Variants in PRKCE observed in about 807,000 individuals in gnomAD.
PRKCE encodes protein kinase C epsilon type.
Under a neutral mutation model 85.4 loss-of-function variants are expected in PRKCE, and 16 were observed. That is an observed-to-expected ratio of 0.19 (90% CI 0.13 to 0.28). The LOEUF is 0.28. Among genes scored for constraint, PRKCE ranks in the 10% least tolerant of loss-of-function variants. The probability of loss-of-function intolerance (pLI) is 1.00; values close to 1 mark genes in which losing one functional copy is unlikely to be tolerated. For missense variants in PRKCE, 573 were observed against 975.2 expected (o/e 0.59, Z 5.49); for synonymous variants, 388 against 371.5 (o/e 1.04, Z -0.51).
rs796718017 is a variant in PRKCE, at chr2:45,806,962, G to C, written c.349-36038G>C. ...GATGTTTTGCCTAGAGAGCCACTGTGGGTAGACCTCAGGAGGCTGATGAGA... is the reference window on the plus strand; with the variant it reads ...GATGTTTTGCCTAGAGAGCCACTGTCGGTAGACCTCAGGAGGCTGATGAGA... On this transcript the variant is annotated intron_variant, in intron 1 of 14. Transcript: ENST00000306156. Among the ~76,000 whole-genome samples the C allele has an allele frequency of 2.3e-4, 35 of 152,296 alleles. 1 individual carries two copies. Among genetic ancestry groups the C allele is most frequent in the African/African-American group, 8.4e-4 (35 of 41,552 alleles).
At chr2:45,884,413 G>T (rs1285820806) in intron 2 of PRKCE, among the ~76,000 whole-genome samples, 1 of 152,200 alleles carries the variant, frequency 6.6e-6, no homozygotes, top group East Asian at 1.9e-4. Flanking sequence ...TGAGGAAGGA[G>T]GCCTGGGTTC....
At chr2:45,857,130 G>A (rs1438658355) in intron 2 of PRKCE, among the ~76,000 whole-genome samples, 3 of 152,180 alleles carry the variant, frequency 2.0e-5, no homozygotes, top group African/African-American at 7.2e-5. Context: ...CTTTTGTACT[G>A]CTTTCCATAG....
At chr2:45,946,283 G>A (rs982973395) in intron 2 of PRKCE, among the ~76,000 whole-genome samples, 12 of 152,236 alleles carry the variant, frequency 7.9e-5, no homozygotes, top group Non-Finnish European at 2.9e-5. Context: ...GTGCAGTGAG[G>A]CCATTTGGCC....
Position 45,955,139 on chromosome 2 carries a change from A to G in PRKCE, c.413-21290A>G, listed in dbSNP as rs185585711. 3.5e-3 allele frequency among the ~76,000 whole-genome samples: 535 copies of G among 152,362 alleles called. 1 individual carries two copies. The highest frequency in any genetic ancestry group is 6.8e-3 in the Middle Eastern group (2 of 294). On this transcript the variant is annotated intron_variant, in intron 2 of 14. Coordinates refer to ENST00000306156, the MANE Select transcript of PRKCE (RefSeq NM_005400.3). Reference sequence around the variant, plus strand: ...TGTTTAATGGATGAATATCCAATTCAATAGTAAAGACTCCAAGTACTATGG... The same window carrying G: ...TGTTTAATGGATGAATATCCAATTCGATAGTAAAGACTCCAAGTACTATGG...
chr2:45,781,301 C>A lies in PRKCE; in HGVS notation c.349-61699C>A, dbSNP rs75559669. On this transcript the variant is annotated intron_variant, in intron 1 of 14. Transcript: ENST00000306156. Reference sequence around the variant, plus strand: ...GCAGTGAGCCGTGATCGCACCATTGCATTCCGGCATGGGTGACAGAGCATG... The same window carrying A: ...GCAGTGAGCCGTGATCGCACCATTGAATTCCGGCATGGGTGACAGAGCATG... Among the ~76,000 whole-genome samples, 661 of 152,330 alleles carry A rather than the reference C, an allele frequency of 4.3e-3. 9 individuals are homozygous for A. The highest frequency in any genetic ancestry group is 0.015 in the African/African-American group (626 of 41,566).
intron 1 of PRKCE, among the ~76,000 whole-genome samples, chr2:45,771,792 C>T (rs1685360634): frequency 6.6e-6 from 1 of 151,952 alleles, no homozygotes; most frequent in Non-Finnish European, 1.5e-5. Context: ...GCCCCTTCCT[C>T]CCCAGAGCCC....
chr2:45,794,849 C>CCG (rs1178154167), intron 1 of PRKCE, among the ~76,000 whole-genome samples: 1 of 150,968 alleles, frequency 6.6e-6, no homozygotes, highest in Non-Finnish European at 1.5e-5. Context: ...TGCCCTACCC[C>CCG]CCCCCCCATC....
At chr2:45,953,437 T>C (rs1231918570) in intron 2 of PRKCE, among the ~76,000 whole-genome samples, 1 of 152,088 alleles carries the variant, frequency 6.6e-6, no homozygotes, top group Non-Finnish European at 1.5e-5. Context: ...CTCTCTCTCT[T>C]CCTCCCTTCC....
intron 10 of PRKCE, among the ~76,000 whole-genome samples, chr2:46,022,812 G>A (rs148216278): frequency 0.011 from 1,694 of 152,236 alleles, 16 homozygotes; most frequent in East Asian, 0.036. Context: ...GGCCGGGCGC[G>A]GTGGCTCACG....
In PRKCE at chr2:45,833,638, C is replaced by T. The variant is rs574006763; in HGVS notation, c.349-9362C>T. On this transcript the variant is annotated intron_variant, in intron 1 of 14. Transcript: ENST00000306156. ...AACAGGCAGAACTGGGATTGGAACC[C>T]GGGTAGGCTAGCTTCAAAACCTTTA... 1.2e-3 allele frequency among the ~76,000 whole-genome samples: 182 copies of T among 152,272 alleles called. 2 individuals are homozygous for T. Among genetic ancestry groups the T allele is most frequent in the African/African-American group, 1.5e-3 (61 of 41,548 alleles).
intron 2 of PRKCE, among the ~76,000 whole-genome samples, chr2:45,953,808 G>GT (rs1700792538): frequency 6.6e-6 from 1 of 152,166 alleles, no homozygotes; most frequent in South Asian, 2.1e-4. Context: ...CACTCTCCAG[G>GT]TGAGTTTAAC....
At chr2:45,830,952 A>G (rs1019533647) in intron 1 of PRKCE, among the ~76,000 whole-genome samples, 6 of 152,260 alleles carry the variant, frequency 3.9e-5, no homozygotes, top group African/African-American at 1.4e-4. Flanking sequence ...TAAGGAAGAT[A>G]ATGGATTTCC....
intron 11 of PRKCE, among the ~76,000 whole-genome samples, chr2:46,129,642 T>G (rs1674216348): frequency 6.6e-6 from 1 of 152,222 alleles, no homozygotes; most frequent in African/African-American, 2.4e-5. Flanking sequence ...TCCTGAGCCC[T>G]GGGCTGACTG....
chr2:46,087,864 T>C (rs1669793383), intron 11 of PRKCE, among the ~76,000 whole-genome samples: 1 of 152,198 alleles, frequency 6.6e-6, no homozygotes. Context: ...CTTTAGTACT[T>C]ATGTGGCTTG....
At chr2:46,054,208 A>G (rs1316432155) in intron 10 of PRKCE, among the ~76,000 whole-genome samples, 1 of 152,210 alleles carries the variant, frequency 6.6e-6, no homozygotes, top group African/African-American at 2.4e-5. Context: ...TTACTTCTGT[A>G]TTACAGATAA....
chr2:45,729,939 T>C (rs1248577406), intron 1 of PRKCE, among the ~76,000 whole-genome samples: 4 of 152,186 alleles, frequency 2.6e-5, no homozygotes, highest in African/African-American at 9.7e-5. Context: ...GAGGAGATCT[T>C]TGGGTCCTGG....
chr2:45,661,523 G>GTTTTTTT lies in PRKCE; in HGVS notation c.348+9081_348+9082insTTTTTTT, dbSNP rs367628974. On this transcript the variant is annotated intron_variant, in intron 1 of 14. Transcript: ENST00000306156. ...TTTTTTTTGTTTTGTTTTGTTTTTT[G>GTTTTTTT]TTTTTTGTTTTTTTTTTTTTTTTTA... Among the ~76,000 whole-genome samples the GTTTTTTT allele has an allele frequency of 8.6e-4, 83 of 96,652 alleles. 5 individuals carry two copies. Among genetic ancestry groups the GTTTTTTT allele is most frequent in the African/African-American group, 1.4e-3 (36 of 25,838 alleles). 63.4% of individuals were successfully genotyped at this position (96,652 alleles called of 152,430 possible).
intron 1 of PRKCE, among the ~76,000 whole-genome samples, chr2:45,731,328 A>G (rs1681557267): frequency 6.6e-6 from 1 of 152,162 alleles, no homozygotes; most frequent in African/African-American, 2.4e-5. Context: ...TCTGGTCAGT[A>G]TTTTAGGACC....
intron 1 of PRKCE, among the ~76,000 whole-genome samples, chr2:45,787,693 C>G (rs1302575750): frequency 6.6e-6 from 1 of 152,172 alleles, no homozygotes; most frequent in East Asian, 1.9e-4. Context: ...TTGAAAACGA[C>G]AAGGCTTACC....
Sources: allele counts gnomAD v4.1 joint callset (sites outside exome capture counted in the v4.1 genomes callset), GRCh38; gene constraint gnomAD v4.1.1; transcripts MANE v1.5; gene names NCBI Gene and HGNC (gene_info 2026-07-23, HGNC 2026-07-21).